Variants in SLC12A5 observed in about 807,000 individuals in gnomAD.
SLC12A5 encodes the protein K-Cl cotransporter 2.
A neutral mutation model predicts 124.0 loss-of-function variants in SLC12A5; 18 were observed. That is an observed-to-expected ratio of 0.15 (90% CI 0.10 to 0.22). The LOEUF (loss-of-function observed/expected upper bound fraction) is 0.22, where lower values mean the gene tolerates loss of function less well. Among genes scored for constraint, SLC12A5 ranks in the 10% least tolerant of loss-of-function variants. SLC12A5 has a pLI of 1.00. For synonymous variants in SLC12A5, 589 were observed against 568.0 expected (o/e 1.04, Z -0.53); for missense variants, 867 against 1,478.7 (o/e 0.59, Z 6.78).
At chr20:46,040,692 C>T in intron 7 of SLC12A5, 78 bp downstream of exon 7, 2 of 1,562,856 alleles carry the variant, frequency 1.3e-6, no homozygotes, top group African/African-American at 2.7e-5. Flanking sequence ...GCCAAACTCC[C>T]CCTCCCTGCC....
At chr20:46,040,303 C>G in intron 6 of SLC12A5, 70 bp from the exon 7 acceptor site, 1 of 1,579,778 alleles carries the variant, frequency 6.3e-7, no homozygotes, top group Non-Finnish European at 8.6e-7. Flanking sequence ...CATCTTTTTT[C>G]CTAAAGCGCT....
intron 1 of SLC12A5, among the ~76,000 whole-genome samples, chr20:46,022,313 G>C (rs912129194): frequency 6.6e-6 from 1 of 151,552 alleles, no homozygotes. Context: ...ATGGTCAGGA[G>C]CCCCTAAAGG....
chr20:46,035,595 T>C, intron 3 of SLC12A5, 60 bp downstream of exon 3: 2 of 480,898 alleles, frequency 4.2e-6, no homozygotes, highest in Non-Finnish European at 6.7e-6. Flanking sequence ...TGGGGGAGGA[T>C]GGGGGAGGAA....
chr20:46,055,442 TCC>T (rs1430418037), intron 21 of SLC12A5, among the ~76,000 whole-genome samples: 1 of 151,910 alleles, frequency 6.6e-6, no homozygotes, highest in Non-Finnish European at 1.5e-5. Context: ...TAGGGGAAAA[TCC>T]CCTAGGGTGT....
chr20:46,036,025 A>G lies in SLC12A5; in HGVS notation c.426+102A>G, dbSNP rs1296694752. ...TGGAAGCATGAGACCTGAGCTTTTTATAGGAACCACTGCTTATGATCTTTG... is the reference window on the plus strand; with the variant it reads ...TGGAAGCATGAGACCTGAGCTTTTTGTAGGAACCACTGCTTATGATCTTTG... On this transcript the variant is annotated intron_variant, in intron 4 of 25. Transcript: ENST00000243964. 3 of 1,382,398 alleles carry G rather than the reference A, an allele frequency of 2.2e-6. No individual in the cohort carries two copies. In the African/African-American group the frequency reaches 4.3e-5, roughly 20 times the overall value. The allele number at this position is 1,382,398 out of a possible 1,614,324, so 85.6% of individuals were successfully genotyped here. A position where few individuals can be genotyped will look rare whatever the true frequency, so the allele number is the denominator to read the frequency against.
upstream of SLC12A5, among the ~76,000 whole-genome samples, chr20:46,028,500 C>T (rs1218033441): frequency 6.6e-6 from 1 of 152,146 alleles, no homozygotes; most frequent in Non-Finnish European, 1.5e-5. Flanking sequence ...TCAGTCTAAG[C>T]ACAATGAGAG....
rs1600604717 is a variant in SLC12A5, at chr20:46,053,177, T to C, written c.2547+51T>C. The C allele has an allele frequency of 6.4e-7, 1 of 1,558,754 alleles. No homozygotes were observed. Among genetic ancestry groups the C allele is most frequent in the Non-Finnish European group, 8.8e-7 (1 of 1,140,370 alleles). ...ACGTGTGAGTGTGTGTATGCATGTA[T>C]GCATTTGTGTGCATATGTGCACAAC... On this transcript the variant is annotated intron_variant, in intron 19 of 25. Transcript: ENST00000243964. The surrounding 1 kb of genome is among the most constrained non-coding windows in gnomAD (Gnocchi z 4.7).
At chr20:46,032,709 T>C (rs2084464466) in intron 1 of SLC12A5, among the ~76,000 whole-genome samples, 1 of 152,156 alleles carries the variant, frequency 6.6e-6, no homozygotes, top group African/African-American at 2.4e-5. Flanking sequence ...TTTCCATAAC[T>C]CCAGCCCCCT....
Position 46,029,336 on chromosome 20 carries a change from G to A in SLC12A5, c.-9G>A, listed in dbSNP as rs1256094382. On this transcript the variant is annotated 5_prime_UTR_variant, in exon 1 of 26. Coordinates refer to ENST00000243964, the MANE Select transcript of SLC12A5 (RefSeq NM_020708.5). ...CAGCCATCCCCGGACCAGGGGCCGC[G>A]CCGCCACCATGCTAAACAACCTGAC... 3 of 1,544,320 alleles carry A rather than the reference G, an allele frequency of 1.9e-6. No homozygotes were observed. The highest frequency in any genetic ancestry group is 2.0e-5 in the Admixed American group (1 of 50,174).
chr20:46,048,867 C>CAA (rs11375367), intron 16 of SLC12A5, among the ~76,000 whole-genome samples: 37,339 of 145,964 alleles, frequency 0.26, 5,020 homozygotes, highest in East Asian at 0.35. Context: ...GACCCTGTCT[C>CAA]AAAAAAAAAA....
chr20:46,040,483 G>A lies in SLC12A5; in HGVS notation c.723G>A (p.Met241Ile), dbSNP rs766598411. 2 of 1,614,220 alleles carry A rather than the reference G, an allele frequency of 1.2e-6. No homozygotes were observed. Among genetic ancestry groups the A allele is most frequent in the Admixed American group, 1.7e-5 (1 of 60,028 alleles). The change falls in exon 7 of 26, where the codon ATG (methionine) becomes ATA (isoleucine). Residue 241 changes from methionine to isoleucine, a missense_variant. Met to Ile is a conservative substitution (Grantham distance 10, BLOSUM62 1). This residue lies in a region of SLC12A5 where 126 missense variants were observed against 291.6 expected (regional missense o/e 0.43). Coordinates refer to ENST00000243964, the MANE Select transcript of SLC12A5 (RefSeq NM_020708.5). Reference protein sequence around the residue: ...RVYGTCVLTCMATVVFVGVKY... With the variant: ...RVYGTCVLTCIATVVFVGVKY... Reference sequence around the variant, plus strand: ...ACGGCACCTGTGTGCTCACCTGCATGGCCACTGTGGTGTTTGTGGGTGTCA... The same window carrying A: ...ACGGCACCTGTGTGCTCACCTGCATAGCCACTGTGGTGTTTGTGGGTGTCA...
chr20:46,036,788 T>A lies in SLC12A5; in HGVS notation c.474T>A (p.Val158=), dbSNP rs750160565. The A allele has an allele frequency of 2.2e-5, 36 of 1,613,922 alleles. No homozygotes were observed. The highest frequency in any genetic ancestry group is 3.1e-5 in the Non-Finnish European group (36 of 1,179,908). The change falls in exon 5 of 26, where the codon GTT becomes GTA. Residue 158 remains valine, a synonymous_variant. Coordinates refer to ENST00000243964, the MANE Select transcript of SLC12A5 (RefSeq NM_020708.5). ...TGAGTGCAATTGCAACGAATGGTGTTGTGCCTGGTAGGTGACTGGGGCTTT... is the reference window on the plus strand; with the variant it reads ...TGAGTGCAATTGCAACGAATGGTGTAGTGCCTGGTAGGTGACTGGGGCTTT... The part of the protein sequence containing the change: ...ISMSAIATNG[V]VPAGGSYYMI...
intron 4 of SLC12A5, 195 bp from the exon 5 acceptor site, chr20:46,036,546 C>T (rs980592396): frequency 2.0e-5 from 10 of 503,308 alleles, no homozygotes; most frequent in African/African-American, 7.7e-5. Context: ...GGGCTCCTTC[C>T]GTTCGCATGG....
intron 21 of SLC12A5, chr20:46,055,921 C>T (rs947448241): frequency 1.6e-5 from 9 of 562,660 alleles, no homozygotes; most frequent in African/African-American, 5.7e-5. Flanking sequence ...CTTGCTGTGC[C>T]AAGGTTAACC....
At position 46,051,954 on chromosome 20, in the gene SLC12A5, C is replaced by T. The variant is rs2084650777; in HGVS notation, c.2377+84C>T. On this transcript the variant is annotated intron_variant, in intron 18 of 25. Coordinates refer to ENST00000243964, the MANE Select transcript of SLC12A5 (RefSeq NM_020708.5). Reference sequence around the variant, plus strand: ...GGAACTGGATTTCCGCTCCTTTGGGCCTGAGGGGTTTCCCAAGCACTGCGT... The same window carrying T: ...GGAACTGGATTTCCGCTCCTTTGGGTCTGAGGGGTTTCCCAAGCACTGCGT... The T allele has an allele frequency of 3.3e-6, 4 of 1,205,782 alleles. No individual in the cohort carries two copies. The South Asian group carries it at 6.5e-5, about 20-fold the overall frequency. The allele number at this position is 1,205,782 out of a possible 1,614,324, so 74.7% of individuals were successfully genotyped here.
intron 9 of SLC12A5, 44 bp downstream of exon 9, chr20:46,043,367 T>C: frequency 1.3e-6 from 2 of 1,595,390 alleles, no homozygotes; most frequent in East Asian, 4.5e-5. Flanking sequence ...TGTGAGTGGA[T>C]GGGGAAGAGA....
chr20:46,025,195 A>C (rs1251299081), upstream of SLC12A5, among the ~76,000 whole-genome samples: 1 of 152,218 alleles, frequency 6.6e-6, no homozygotes, highest in Non-Finnish European at 1.5e-5. Flanking sequence ...ATTTGGAAGG[A>C]TGAAGCTGTC....
At chr20:46,047,332 A>T in intron 14 of SLC12A5, 122 bp from the exon 15 acceptor site, 1 of 1,316,382 alleles carries the variant, frequency 7.6e-7, no homozygotes, top group East Asian at 2.4e-5. Flanking sequence ...GTTCCCCTAG[A>T]CCGGGCTGTC....
chr20:46,046,221 T>C, intron 13 of SLC12A5, 117 bp from the exon 14 acceptor site: 1 of 967,092 alleles, frequency 1.0e-6, no homozygotes, highest in Non-Finnish European at 1.6e-6. Flanking sequence ...CACCACAGCA[T>C]GATCTGGCCA....
Sources: allele counts gnomAD v4.1 joint callset (sites outside exome capture counted in the v4.1 genomes callset), GRCh38; gene constraint gnomAD v4.1.1; regional missense constraint gnomAD v4.1.1; non-coding constraint Gnocchi (gnomAD v3.1); transcripts MANE v1.5; gene names NCBI Gene and HGNC (gene_info 2026-07-23, HGNC 2026-07-21).